RSBN1: variants seen among roughly 807,000 people sequenced by gnomAD.
The protein encoded by RSBN1 is lysine-specific demethylase 9.
A neutral mutation model predicts 74.8 loss-of-function variants in RSBN1; 23 were observed. That is an observed-to-expected ratio of 0.31 (90% CI 0.22 to 0.44). The LOEUF is 0.44. RSBN1 is among the 20% of genes least tolerant of loss of function. RSBN1 has a pLI of 1.00. For missense variants in RSBN1, 808 were observed against 1,020.9 expected (o/e 0.79, Z 2.84); for synonymous variants, 407 against 379.6 (o/e 1.07, Z -0.84).
Position 113,765,676 on chromosome 1 carries a change from G to T in RSBN1, c.*304C>A. The T allele has an allele frequency of 3.9e-6, 1 of 256,544 alleles. No individual in the cohort carries two copies. 15.9% of individuals were successfully genotyped at this position (256,544 alleles called of 1,614,324 possible). ...GGGAAGTGAATAATTTACCAAACAA[G>T]AATCTGTTATTCCAGAGAATTCTCA... On this transcript the variant is annotated 3_prime_UTR_variant, in exon 7 of 7. Coordinates refer to ENST00000261441, the MANE Select transcript of RSBN1 (RefSeq NM_018364.5).
At chr1:113,768,542 C>G (rs1050043057) in intron 4 of RSBN1, among the ~76,000 whole-genome samples, 153 bp from the exon 5 acceptor site, 1 of 152,084 alleles carries the variant, frequency 6.6e-6, no homozygotes, top group Non-Finnish European at 1.5e-5. Flanking sequence ...TGATCATTAG[C>G]ATTTAACACA....
chr1:113,812,194 CT>C lies in RSBN1; in HGVS notation c.218del (p.Lys73ArgfsTer104). 6.2e-7 allele frequency: 1 copy of C among 1,608,504 alleles called. No homozygotes were observed. ...AAQEEPDKEG[K>X]EKPHAGVSPR... is the part of the protein sequence containing the mutation. ...GGGAGACCCCAGCATGAGGTTTCTC[CT>C]TCCCCTCTTTGTCCGGCTCCTCCTG... On this transcript the variant is annotated frameshift_variant, in exon 1 of 7. Transcript: ENST00000261441. LOFTEE classifies it high-confidence loss of function.
At chr1:113,767,036 A>G in intron 6 of RSBN1, 63 bp downstream of exon 6, 1 of 910,892 alleles carries the variant, frequency 1.1e-6, no homozygotes, top group South Asian at 1.7e-5. Flanking sequence ...TAAAATTCAA[A>G]ATAAAATGGG....
chr1:113,784,693 G>T (rs1268194628), intron 2 of RSBN1, among the ~76,000 whole-genome samples: 2 of 152,208 alleles, frequency 1.3e-5, no homozygotes, highest in Non-Finnish European at 2.9e-5. Flanking sequence ...TGCTATTATA[G>T]CTTGCTGCAG....
At chr1:113,807,469 C>T (rs960415470) in intron 1 of RSBN1, among the ~76,000 whole-genome samples, 1 of 151,200 alleles carries the variant, frequency 6.6e-6, no homozygotes, top group Non-Finnish European at 1.5e-5. Flanking sequence ...AAAAAATATA[C>T]AATTCAAGGG....
chr1:113,769,449 AT>A (rs1370554570), intron 4 of RSBN1, among the ~76,000 whole-genome samples: 1 of 152,216 alleles, frequency 6.6e-6, no homozygotes, highest in Non-Finnish European at 1.5e-5. Flanking sequence ...GGAAGTGGGG[AT>A]TAGATGGGAG....
chr1:113,795,997 G>A lies in RSBN1; in HGVS notation c.1377+1366C>T, dbSNP rs935131885. ...AAAAATGATAGAGCATGTTGATTCT[G>A]CTCTCAGCAATATCTTTCCTTGTTA... On this transcript the variant is annotated intron_variant, in intron 2 of 6. Coordinates refer to ENST00000261441, the MANE Select transcript of RSBN1 (RefSeq NM_018364.5). Among the ~76,000 whole-genome samples, 4 of 152,200 alleles carry A rather than the reference G, an allele frequency of 2.6e-5. No individual in the cohort carries two copies. In the East Asian group the frequency reaches 7.7e-4, roughly 29 times the overall value.
rs760224572 is a variant in RSBN1, at chr1:113,811,927, G to A, written c.486C>T (p.Leu162=). Residue 162 remains leucine (L), a synonymous_variant, in exon 1 of 7, where the codon CTC becomes CTT. Coordinates refer to ENST00000261441, the MANE Select transcript of RSBN1 (RefSeq NM_018364.5). ...APAGPAVAAP[L]PAPSTSALFT... ...AGAGGGCCGAGGTGCTTGGGGCCGGGAGAGGGGCAGCGACAGCGGGCCCGG... is the reference window on the plus strand; with the variant it reads ...AGAGGGCCGAGGTGCTTGGGGCCGGAAGAGGGGCAGCGACAGCGGGCCCGG... 4 of 1,602,652 alleles carry A rather than the reference G, an allele frequency of 2.5e-6. No homozygotes were observed. Among genetic ancestry groups the A allele is most frequent in the African/African-American group, 1.3e-5 (1 of 74,630 alleles).
intron 2 of RSBN1, among the ~76,000 whole-genome samples, chr1:113,778,890 A>C (rs1043768295): frequency 9.2e-5 from 14 of 152,212 alleles, no homozygotes; most frequent in African/African-American, 3.4e-4. Flanking sequence ...AGAGCATCCT[A>C]TCTAGCATCT....
At chr1:113,792,158 A>C (rs1344780045) in intron 2 of RSBN1, among the ~76,000 whole-genome samples, 2 of 152,168 alleles carry the variant, frequency 1.3e-5, no homozygotes, top group Non-Finnish European at 2.9e-5. Flanking sequence ...ATTTTTGAAA[A>C]AGATACTTAA....
intron 2 of RSBN1, among the ~76,000 whole-genome samples, chr1:113,784,757 C>A (rs956473518): frequency 3.3e-5 from 5 of 152,150 alleles, no homozygotes; most frequent in African/African-American, 1.2e-4. Flanking sequence ...CAGTTGAGGA[C>A]CCCTGCCGTA....
At chr1:113,793,385 T>G (rs1271704437) in intron 2 of RSBN1, among the ~76,000 whole-genome samples, 1 of 152,236 alleles carries the variant, frequency 6.6e-6, no homozygotes, top group East Asian at 1.9e-4. Context: ...CACTTTCCCA[T>G]CCTTACTTAC....
intron 1 of RSBN1, among the ~76,000 whole-genome samples, chr1:113,809,364 T>C (rs1352533635): frequency 1.3e-5 from 2 of 152,156 alleles, no homozygotes; most frequent in Non-Finnish European, 2.9e-5. Flanking sequence ...GCTCACACAG[T>C]AAGTGTTAGA....
intron 2 of RSBN1, among the ~76,000 whole-genome samples, chr1:113,796,576 T>C (rs1477599245): frequency 6.6e-6 from 1 of 152,048 alleles, no homozygotes; most frequent in Non-Finnish European, 1.5e-5. Context: ...CATATAATCA[T>C]AAAAGTTTAA....
At chr1:113,800,604 T>C (rs1277310611) in intron 1 of RSBN1, among the ~76,000 whole-genome samples, 1 of 152,202 alleles carries the variant, frequency 6.6e-6, no homozygotes, top group Non-Finnish European at 1.5e-5. Flanking sequence ...TAGATCTTGT[T>C]ATTTTAAGCT....
chr1:113,797,447 A>T lies in RSBN1; in HGVS notation c.1293T>A (p.Phe431Leu), dbSNP rs909409545. 2.5e-6 allele frequency: 4 copies of T among 1,614,088 alleles called. No individual in the cohort carries two copies. The highest frequency in any genetic ancestry group is 2.5e-6 in the Non-Finnish European group (3 of 1,179,956). The change falls in exon 2 of 7, where the codon TTT becomes TTA. Residue 431 changes from phenylalanine (F) to leucine (L), a missense_variant. By Grantham distance (22) the Phe-to-Leu change is conservative (BLOSUM62 0). This residue lies in a region of RSBN1 where 112 missense variants were observed against 257.3 expected (regional missense o/e 0.44). Transcript: ENST00000261441. ...YLPDFLDYFA[F>L]NFPNTPVKME... ...TTTTCACTGGAGTGTTGGGGAAATT[A>T]AAAGCAAAGTAGTCCAAGAAGTCTG...
In RSBN1 at chr1:113,811,820, C is replaced by CGGTGGT; in HGVS notation, c.587_592dup (p.His196_His197dup). 1.2e-6 allele frequency: 2 copies of CGGTGGT among 1,613,792 alleles called. No homozygotes were observed. The highest frequency in any genetic ancestry group is 1.7e-6 in the Non-Finnish European group (2 of 1,179,996). On this transcript the variant is annotated inframe_insertion, in exon 1 of 7. Coordinates refer to ENST00000261441, the MANE Select transcript of RSBN1 (RefSeq NM_018364.5). Reference sequence around the variant, plus strand: ...GGAGCTGGGATCACCATCGGGGCCGCGGTGGTGATGGTGCTTGTGCCGCTC... The same window carrying CGGTGGT: ...GGAGCTGGGATCACCATCGGGGCCGCGGTGGTGGTGGTGATGGTGCTTGTGCCGCTC...
chr1:113,799,230 G>A (rs746812901), intron 1 of RSBN1, among the ~76,000 whole-genome samples: 9 of 152,034 alleles, frequency 5.9e-5, no homozygotes, highest in South Asian at 4.2e-4. Flanking sequence ...TTTTCTCCCC[G>A]CTTTTTGAGG....
chr1:113,768,950 T>A (rs555678298), intron 4 of RSBN1, among the ~76,000 whole-genome samples: 34 of 151,928 alleles, frequency 2.2e-4, no homozygotes, highest in Admixed American at 1.0e-3. Flanking sequence ...ATACTTTTTT[T>A]AAAAAAGAAT....
Sources: allele counts gnomAD v4.1 joint callset (sites outside exome capture counted in the v4.1 genomes callset), GRCh38; gene constraint gnomAD v4.1.1; regional missense constraint gnomAD v4.1.1; transcripts MANE v1.5; gene names NCBI Gene and HGNC (gene_info 2026-07-23, HGNC 2026-07-21).